CSNK2A2IP: variants seen among roughly 807,000 people sequenced by gnomAD.
CSNK2A2IP encodes the protein casein kinase 2 subunit alpha' interacting protein.
At chr3:88,465,589 A>C in the CSNK2A2IP span, 1 of 1,231,686 alleles carries the variant, frequency 8.1e-7, no homozygotes, top group Admixed American at 4.2e-5. Flanking sequence ...ATCTCAGGAC[A>C]AAATTTCACA....
At chr3:88,458,024 T>G in the CSNK2A2IP span, among the ~76,000 whole-genome samples, 1 of 152,034 alleles carries the variant, frequency 6.6e-6, no homozygotes, top group South Asian at 2.1e-4. Flanking sequence ...TTCATATGAG[T>G]TGTCTCATTT....
At chr3:88,389,301 A>G in the CSNK2A2IP span, among the ~76,000 whole-genome samples, 1 of 152,020 alleles carries the variant, frequency 6.6e-6, no homozygotes, top group Non-Finnish European at 1.5e-5. Context: ...GAGGTATTAC[A>G]ATGCTTCATC....
the CSNK2A2IP span, among the ~76,000 whole-genome samples, chr3:88,449,872 T>TAGAGAGAGAGAGAGAGAGAGAG: frequency 2.7e-4 from 21 of 79,046 alleles, no homozygotes; most frequent in Non-Finnish European, 5.1e-4. Flanking sequence ...TATATATATA[T>TAGAGAGAGAGAGAGAGAGAGAG]ATAGAGAGAG....
the CSNK2A2IP span, among the ~76,000 whole-genome samples, chr3:88,347,517 C>T: frequency 6.6e-6 from 1 of 152,044 alleles, no homozygotes; most frequent in African/African-American, 2.4e-5. Context: ...AAAACATTCC[C>T]ATTCATGGAA....
chr3:88,456,631 CA>C, the CSNK2A2IP span, among the ~76,000 whole-genome samples: 1 of 145,280 alleles, frequency 6.9e-6, no homozygotes, highest in African/African-American at 2.5e-5. Flanking sequence ...ATGTTATCTG[CA>C]GAGACAATTT....
the CSNK2A2IP span, among the ~76,000 whole-genome samples, chr3:88,357,124 CATT>C: frequency 4.0e-5 from 6 of 151,870 alleles, no homozygotes; most frequent in African/African-American, 1.4e-4. Context: ...TTTGTGATCT[CATT>C]ATCTATTTTT....
the CSNK2A2IP span, among the ~76,000 whole-genome samples, chr3:88,446,086 CT>C: frequency 1.2e-5 from 1 of 83,860 alleles, no homozygotes; most frequent in African/African-American, 4.8e-5. Context: ...TTCTTTCTTT[CT>C]TTCTTTCTTT....
At chr3:88,355,459 A>G in the CSNK2A2IP span, among the ~76,000 whole-genome samples, 1 of 152,098 alleles carries the variant, frequency 6.6e-6, no homozygotes, top group East Asian at 1.9e-4. Context: ...TCTGCATTCC[A>G]AAGGGACATG....
the CSNK2A2IP span, chr3:88,467,090 C>CTACCGCCCACCATATTT: frequency 1.5e-6 from 1 of 665,118 alleles, no homozygotes; most frequent in Non-Finnish European, 2.1e-6. Flanking sequence ...ATATGGTGGG[C>CTACCGCCCACCATATTT]GGTAGCCCCC....
At chr3:88,371,986 C>A in the CSNK2A2IP span, among the ~76,000 whole-genome samples, 1 of 151,570 alleles carries the variant, frequency 6.6e-6, no homozygotes, top group Middle Eastern at 3.4e-3. Context: ...AAATGAGTTT[C>A]CAATAAACAA....
At chr3:88,340,393 G>T in the CSNK2A2IP span, among the ~76,000 whole-genome samples, 1 of 151,892 alleles carries the variant, frequency 6.6e-6, no homozygotes, top group East Asian at 1.9e-4. Flanking sequence ...TTATGTACAC[G>T]GTGTTAGAGA....
the CSNK2A2IP span, among the ~76,000 whole-genome samples, chr3:88,463,605 C>T: frequency 2.5e-4 from 38 of 152,092 alleles, no homozygotes; most frequent in Non-Finnish European, 4.9e-4. Context: ...CAATGAGATA[C>T]CATCTCACAC....
At chr3:88,452,757 C>CT in the CSNK2A2IP span, among the ~76,000 whole-genome samples, 3 of 152,024 alleles carry the variant, frequency 2.0e-5, no homozygotes, top group East Asian at 1.9e-4. Flanking sequence ...CTCAGGATTA[C>CT]TTTTTTTCAG....
the CSNK2A2IP span, chr3:88,467,462 G>A: frequency 1.0e-5 from 4 of 398,442 alleles, no homozygotes; most frequent in Admixed American, 8.8e-5. Flanking sequence ...CCAAATCGAA[G>A]CCAATCATCA....
chr3:88,395,689 AT>A, the CSNK2A2IP span, among the ~76,000 whole-genome samples: 1 of 152,236 alleles, frequency 6.6e-6, no homozygotes, highest in African/African-American at 2.4e-5. Context: ...CTGCAGAAAA[AT>A]TTGGGAAGAA....
chr3:88,409,111 C>T, the CSNK2A2IP span, among the ~76,000 whole-genome samples: 1 of 152,008 alleles, frequency 6.6e-6, no homozygotes, highest in Non-Finnish European at 1.5e-5. Context: ...TGTCAAGTGT[C>T]TTCATAATTT....
At chr3:88,352,750 T>C in the CSNK2A2IP span, among the ~76,000 whole-genome samples, 2,476 of 152,078 alleles carry the variant, frequency 0.016, 88 homozygotes, top group African/African-American at 0.057. Context: ...CGCTTAATTA[T>C]TGTATTTTAA....
the CSNK2A2IP span, among the ~76,000 whole-genome samples, chr3:88,412,352 G>T: frequency 9.2e-5 from 14 of 152,076 alleles, no homozygotes; most frequent in African/African-American, 3.4e-4. Flanking sequence ...ATTCTCTGCA[G>T]TGGATAGCAT....
chr3:88,408,893 A>G, the CSNK2A2IP span, among the ~76,000 whole-genome samples: 1 of 151,820 alleles, frequency 6.6e-6, no homozygotes, highest in South Asian at 2.1e-4. Flanking sequence ...ACACACATTT[A>G]TCATAACTTT....
Sources: gnomAD v4.1 joint callset for allele counts (sites outside exome capture counted in the v4.1 genomes callset) on GRCh38, gnomAD v4.1.1 for gene constraint, MANE v1.5 for transcripts, NCBI Gene and HGNC (gene_info 2026-07-23, HGNC 2026-07-21) for gene names.